Variants in TSPEAR observed in about 807,000 individuals in gnomAD.
TSPEAR encodes thrombospondin type laminin G domain and EAR repeats.
A neutral mutation model predicts 71.6 loss-of-function variants in TSPEAR; 69 were observed. The ratio of observed to expected loss-of-function variants is 0.96; its 90% CI spans 0.79 to 1.18. The LOEUF is 1.18. Among genes scored for constraint, TSPEAR ranks in the 50% most tolerant of loss-of-function variants. The pLI, the probability that TSPEAR is intolerant of heterozygous loss-of-function variation, is 0.00. For synonymous variants in TSPEAR, 402 were observed against 387.2 expected (o/e 1.04, Z -0.45); for missense variants, 971 against 894.9 (o/e 1.09, Z -1.09).
intron 7 of TSPEAR, 149 bp from the exon 8 acceptor site, chr21:44,525,988 G>A (rs1422767303): frequency 2.9e-6 from 2 of 695,860 alleles, no homozygotes; most frequent in Admixed American, 2.7e-5. Flanking sequence ...CCGCATTACA[G>A]GTCATCATGG....
At position 44,546,517 on chromosome 21, in the gene TSPEAR, T is replaced by C. The variant is rs587748354; in HGVS notation, c.304-12594A>G. Among the ~76,000 whole-genome samples the C allele has an allele frequency of 1.2e-4, 19 of 152,270 alleles. No homozygotes were observed. The highest frequency in any genetic ancestry group is 7.7e-4 in the East Asian group (4 of 5,180). On this transcript the variant is annotated intron_variant, in intron 2 of 11. Transcript: ENST00000323084. This position sits in a 1 kb window ranked among gnomAD's most constrained non-coding sequence, Gnocchi z 4.4. ...GCCCGGCTAATTTTTTGTATTTTGA[T>C]TGGAGTTTCACCATGTTAGCCAGGA...
intron 1 of TSPEAR, among the ~76,000 whole-genome samples, chr21:44,639,966 C>T (rs1983930858): frequency 6.6e-6 from 1 of 152,222 alleles, no homozygotes; most frequent in Non-Finnish European, 1.5e-5. Flanking sequence ...CCAGTGAAAG[C>T]ACCTTGGAAA....
rs1555931435 is a variant in TSPEAR at position 44,612,570 on chromosome 21, C to A, written c.83-44565G>T. 1 of 1,613,932 alleles carries A rather than the reference C, an allele frequency of 6.2e-7. No individual in the cohort carries two copies. The highest frequency in any genetic ancestry group is 8.5e-7 in the Non-Finnish European group (1 of 1,179,982). Reference sequence around the variant, plus strand: ...TCTAGCTGCCAGTCAGCTTGCTGCACCTTCTCCCCATGCCAACAGGCCTGC... The same window carrying A: ...TCTAGCTGCCAGTCAGCTTGCTGCAACTTCTCCCCATGCCAACAGGCCTGC... On this transcript the variant is annotated intron_variant, in intron 1 of 11. Coordinates refer to ENST00000323084, the MANE Select transcript of TSPEAR (RefSeq NM_144991.3). The surrounding 1 kb of genome is among the most constrained non-coding windows in gnomAD (Gnocchi z 4.1).
At chr21:44,657,146 C>T (rs1985198728) in intron 1 of TSPEAR, among the ~76,000 whole-genome samples, 1 of 152,146 alleles carries the variant, frequency 6.6e-6, no homozygotes, top group African/African-American at 2.4e-5. Flanking sequence ...ACCAGCACCC[C>T]CATTACTATC....
At chr21:44,588,329 C>T (rs986209915) in intron 1 of TSPEAR, among the ~76,000 whole-genome samples, 13 of 152,128 alleles carry the variant, frequency 8.5e-5, no homozygotes, top group African/African-American at 1.7e-4. Context: ...CAATGGGATA[C>T]CACCTCACTC....
In TSPEAR at chr21:44,527,436, G is replaced by T. The variant is rs781846655; in HGVS notation, c.1005C>A (p.Ile335=). The change falls in exon 7 of 12, where the codon ATC becomes ATA. Residue 335 remains isoleucine, a synonymous_variant. Coordinates refer to ENST00000323084, the MANE Select transcript of TSPEAR (RefSeq NM_144991.3). The stretch of plus-strand genomic sequence containing the variant: ...TGGCCACAAAGAGCCCCACCTGAGG[G>T]ATGCGGAACACCTCAATGCCCAGGG... ...SETLGIEVFR[I]PQVGLFVATA... 6.2e-7 allele frequency: 1 copy of T among 1,614,238 alleles called. No individual in the cohort carries two copies. Among genetic ancestry groups the T allele is most frequent in the South Asian group, 1.1e-5 (1 of 91,088 alleles).
intron 1 of TSPEAR, among the ~76,000 whole-genome samples, chr21:44,582,478 T>G (rs1052113400): frequency 2.6e-5 from 4 of 152,184 alleles, no homozygotes; most frequent in African/African-American, 9.7e-5. Context: ...TGTATGATAA[T>G]TTGCTTTAGT....
chr21:44,628,180 G>A (rs1449270854), intron 1 of TSPEAR: 66 of 1,195,910 alleles, frequency 5.5e-5, no homozygotes, highest in South Asian at 2.8e-4. Context: ...GCCCAGCCCC[G>A]GGGTCTCAGA....
At chr21:44,663,699 T>A (rs1238101438) in intron 1 of TSPEAR, among the ~76,000 whole-genome samples, 1 of 152,062 alleles carries the variant, frequency 6.6e-6, no homozygotes, top group African/African-American at 2.4e-5. Flanking sequence ...CTTATGAATA[T>A]AGATGCAAAA....
At chr21:44,697,968 G>A in intron 1 of TSPEAR, 1 of 1,591,582 alleles carries the variant, frequency 6.3e-7, no homozygotes, top group South Asian at 1.1e-5. Flanking sequence ...AAGTCCAGCT[G>A]CTGCCAGGCA....
chr21:44,572,568 C>A (rs975443057), intron 1 of TSPEAR, among the ~76,000 whole-genome samples: 22 of 151,986 alleles, frequency 1.4e-4, no homozygotes, highest in African/African-American at 5.1e-4. Context: ...AGGCCCAAGT[C>A]CACAAGAAAC....
intron 1 of TSPEAR, chr21:44,654,476 G>T: frequency 6.2e-7 from 1 of 1,613,946 alleles, no homozygotes; most frequent in South Asian, 1.1e-5. Flanking sequence ...CACAGGGGCC[G>T]GCACAGCAGA....
intron 1 of TSPEAR, among the ~76,000 whole-genome samples, chr21:44,578,986 T>C (rs1227664716): frequency 6.6e-6 from 1 of 152,206 alleles, no homozygotes; most frequent in African/African-American, 2.4e-5. Context: ...CATGATGCTT[T>C]CGTCCTGATC....
In TSPEAR at chr21:44,533,885, G is replaced by A. The variant is rs782682429; in HGVS notation, c.342C>T (p.Ser114=). ...EYLLTVVAEE[S]DLLLLGLRLS... ...ACCGCAGGCCGAGCAGCAGCAGGTCGCTCTCCTCTGCCACCACCGTCAGCA... is the reference window on the plus strand; with the variant it reads ...ACCGCAGGCCGAGCAGCAGCAGGTCACTCTCCTCTGCCACCACCGTCAGCA... The change falls in exon 3 of 12, where the codon AGC becomes AGT. Residue 114 remains serine (S), a synonymous_variant. Coordinates refer to ENST00000323084, the MANE Select transcript of TSPEAR (RefSeq NM_144991.3). 4.7e-5 allele frequency: 75 copies of A among 1,611,798 alleles called. No individual in the cohort carries two copies. Among genetic ancestry groups the A allele is most frequent in the African/African-American group, 6.7e-5 (5 of 74,686 alleles).
At chr21:44,535,505 A>G (rs1032591046) in intron 2 of TSPEAR, among the ~76,000 whole-genome samples, 1 of 152,232 alleles carries the variant, frequency 6.6e-6, no homozygotes, top group Non-Finnish European at 1.5e-5. Context: ...TGGACAGCAC[A>G]GGGGATGGTG....
chr21:44,619,289 G>A (rs1982301077), intron 1 of TSPEAR, among the ~76,000 whole-genome samples: 1 of 152,222 alleles, frequency 6.6e-6, no homozygotes, highest in South Asian at 2.1e-4. Context: ...AGCACACATG[G>A]TGAAGAAACT....
At position 44,709,548 on chromosome 21, in the gene TSPEAR, A is replaced by G. The variant is rs575152493; in HGVS notation, c.82+1885T>C. 9.8e-5 allele frequency among the ~76,000 whole-genome samples: 15 copies of G among 152,362 alleles called. No homozygotes were observed. The South Asian group carries it at 2.5e-3, about 25-fold the overall frequency. ...CTCCTGACAACTCCAGAGAAGGCGC[A>G]TGGGCCCCGTGGCAGACCCGAACCC... is the stretch of plus-strand genomic sequence containing the variant. On this transcript the variant is annotated intron_variant, in intron 1 of 11. Coordinates refer to ENST00000323084, the MANE Select transcript of TSPEAR (RefSeq NM_144991.3).
At chr21:44,509,096 T>G (rs1488808577) in intron 10 of TSPEAR, 103 bp downstream of exon 10, 2 of 1,409,338 alleles carry the variant, frequency 1.4e-6, no homozygotes, top group East Asian at 4.9e-5. Flanking sequence ...CCCAGGCCAG[T>G]CTTTCCACGG....
rs369497986 is a variant in TSPEAR, at chr21:44,690,770, A to G, written c.82+20663T>C. Among the ~76,000 whole-genome samples, 32 of 152,036 alleles carry G rather than the reference A, an allele frequency of 2.1e-4. 1 individual carries two copies. In the East Asian group the frequency reaches 3.7e-3, roughly 17 times the overall value. Reference sequence around the variant, plus strand: ...GGGGTGTGGTCATTTGCTTTTCTACATTTTTGTTTGTCTGTTTGTTTATAG... The same window carrying G: ...GGGGTGTGGTCATTTGCTTTTCTACGTTTTTGTTTGTCTGTTTGTTTATAG... On this transcript the variant is annotated intron_variant, in intron 1 of 11. Coordinates refer to ENST00000323084, the MANE Select transcript of TSPEAR (RefSeq NM_144991.3).
Sources: allele counts gnomAD v4.1 joint callset (sites outside exome capture counted in the v4.1 genomes callset), GRCh38; gene constraint gnomAD v4.1.1; non-coding constraint Gnocchi (gnomAD v3.1); transcripts MANE v1.5; gene names NCBI Gene and HGNC (gene_info 2026-07-23, HGNC 2026-07-21).